NDST4: variants seen among roughly 807,000 people sequenced by gnomAD.
NDST4 encodes the protein N-heparan sulfate sulfotransferase 4.
A neutral mutation model predicts 100.8 loss-of-function variants in NDST4; 63 were observed. The observed-to-expected ratio is 0.62, with a 90% CI of 0.51 to 0.77. NDST4 has a LOEUF of 0.77. Ranked by LOEUF, NDST4 falls within the 30% of genes least tolerant of loss-of-function variation. The probability of loss-of-function intolerance (pLI) is 0.00; values close to 1 mark genes in which losing one functional copy is unlikely to be tolerated. For synonymous variants in NDST4, 377 were observed against 361.8 expected (o/e 1.04, Z -0.48); for missense variants, 943 against 1,018.4 (o/e 0.93, Z 1.01).
intron 4 of NDST4, among the ~76,000 whole-genome samples, chr4:114,950,201 C>G (rs1725959992): frequency 6.6e-6 from 1 of 152,000 alleles, no homozygotes; most frequent in Admixed American, 6.6e-5. Context: ...TCCATCTTCT[C>G]CTAATTCCCA....
chr4:114,937,239 C>T, intron 5 of NDST4, 79 bp downstream of exon 5: 1 of 1,455,778 alleles, frequency 6.9e-7, no homozygotes, highest in Non-Finnish European at 9.6e-7. Context: ...AGGTTACATC[C>T]TTAGAGGAAA....
At chr4:114,856,497 G>A (rs1423975280) in intron 7 of NDST4, among the ~76,000 whole-genome samples, 1 of 152,094 alleles carries the variant, frequency 6.6e-6, no homozygotes, top group Non-Finnish European at 1.5e-5. Context: ...TGTCAAGTGA[G>A]TTTTCTCTAA....
At chr4:114,855,744 T>G (rs753002549) in intron 7 of NDST4, among the ~76,000 whole-genome samples, 1 of 152,234 alleles carries the variant, frequency 6.6e-6, no homozygotes, top group Non-Finnish European at 1.5e-5. Context: ...TAGGATGACT[T>G]TGGCTATTCT....
chr4:115,084,173 G>C (rs568967305), intron 1 of NDST4, among the ~76,000 whole-genome samples: 64 of 152,332 alleles, frequency 4.2e-4, no homozygotes, highest in Middle Eastern at 6.8e-3. Flanking sequence ...TGAGGAACTT[G>C]TTGGGAACTG....
intron 1 of NDST4, among the ~76,000 whole-genome samples, chr4:115,101,583 A>G (rs928250776): frequency 6.6e-6 from 1 of 152,096 alleles, no homozygotes; most frequent in Non-Finnish European, 1.5e-5. Flanking sequence ...AAAGCTGAAT[A>G]CTATTTATGA....
At chr4:114,862,004 T>C (rs1045873482) in intron 7 of NDST4, among the ~76,000 whole-genome samples, 6 of 152,196 alleles carry the variant, frequency 3.9e-5, no homozygotes, top group Non-Finnish European at 8.8e-5. Context: ...ATAGTTATAG[T>C]TAATAGTAAT....
chr4:114,939,873 A>C (rs547372808), intron 4 of NDST4, among the ~76,000 whole-genome samples: 1 of 152,262 alleles, frequency 6.6e-6, no homozygotes, highest in South Asian at 2.1e-4. Flanking sequence ...ATGCTTTTTC[A>C]ATCTAAATGA....
chr4:115,004,840 T>C (rs996292293), intron 2 of NDST4, among the ~76,000 whole-genome samples: 5 of 152,112 alleles, frequency 3.3e-5, no homozygotes, highest in Non-Finnish European at 5.9e-5. Flanking sequence ...AAGTGGAAAA[T>C]AGTTTAGCTT....
At chr4:115,035,489 A>G (rs1408979156) in intron 2 of NDST4, among the ~76,000 whole-genome samples, 2 of 152,034 alleles carry the variant, frequency 1.3e-5, no homozygotes, top group African/African-American at 4.8e-5. Flanking sequence ...TTTTACAGAC[A>G]AGGGGAAGTA....
chr4:114,833,501 A>G lies in NDST4; in HGVS notation c.2396+105T>C, dbSNP rs1723244696. ...TTTGATTGCTTGTAGGTAGCATAGG[A>G]TGTATAAATTCTAGCTAGTATTAAT... On this transcript the variant is annotated intron_variant, in intron 12 of 13. Coordinates refer to ENST00000264363, the MANE Select transcript of NDST4 (RefSeq NM_022569.3). The G allele has an allele frequency of 4.2e-6, 3 of 707,586 alleles. No individual in the cohort carries two copies. The South Asian group carries it at 5.1e-5, about 12-fold the overall frequency. 43.8% of individuals were successfully genotyped at this position (707,586 alleles called of 1,614,324 possible). A position where few individuals can be genotyped will look rare whatever the true frequency, so the allele number is the denominator to read the frequency against.
chr4:114,946,423 A>G (rs1034978114), intron 4 of NDST4, among the ~76,000 whole-genome samples: 1 of 152,224 alleles, frequency 6.6e-6, no homozygotes, highest in Non-Finnish European at 1.5e-5. Context: ...AAGCAGAAAT[A>G]TAGAGTGGAA....
chr4:114,876,457 A>T (rs1388402644), intron 6 of NDST4, among the ~76,000 whole-genome samples: 31 of 152,152 alleles, frequency 2.0e-4, no homozygotes, highest in African/African-American at 7.5e-4. Context: ...TATTCTAAAA[A>T]TAGTCTGGAA....
rs1159812086 is a variant in NDST4 at position 115,010,332 on chromosome 4, T to C, written c.979-33058A>G. Among the ~76,000 whole-genome samples, 19 of 127,686 alleles carry C rather than the reference T, an allele frequency of 1.5e-4. 3 individuals are homozygous for C. Among genetic ancestry groups the C allele is most frequent in the Non-Finnish European group, 2.3e-4 (14 of 59,878 alleles). The allele number at this position is 127,686 out of a possible 152,430, so 83.8% of individuals were successfully genotyped here. On this transcript the variant is annotated intron_variant, in intron 2 of 13. Transcript: ENST00000264363. ...CTGGATTAAGAAAATGTGGCACATA[T>C]ACACCATGGAATACTATGCAGCCAT...
At chr4:114,994,529 C>T (rs1727118479) in intron 2 of NDST4, among the ~76,000 whole-genome samples, 2 of 151,944 alleles carry the variant, frequency 1.3e-5, no homozygotes, top group African/African-American at 4.8e-5. Context: ...TGATGGAAAT[C>T]AGTTACAAGG....
intron 2 of NDST4, among the ~76,000 whole-genome samples, chr4:114,991,282 A>G (rs1218981146): frequency 2.0e-5 from 3 of 152,104 alleles, no homozygotes; most frequent in African/African-American, 7.2e-5. Context: ...AGTCAGCCAA[A>G]GTAATTAAAG....
Position 114,835,849 on chromosome 4 carries a change from C to T in NDST4, c.2287-2134G>A, listed in dbSNP as rs539679689. On this transcript the variant is annotated intron_variant, in intron 11 of 13. Coordinates refer to ENST00000264363, the MANE Select transcript of NDST4 (RefSeq NM_022569.3). ...GTTAGATCTTCTTGTTGCGTTGATC[C>T]CTTTACTGTTATTTAATGCCCTTCT... 1.1e-4 allele frequency among the ~76,000 whole-genome samples: 16 copies of T among 152,164 alleles called. No homozygotes were observed. The South Asian group carries it at 2.9e-3, about 28-fold the overall frequency.
chr4:115,074,182 A>T (rs1729134151), intron 2 of NDST4, among the ~76,000 whole-genome samples: 1 of 151,934 alleles, frequency 6.6e-6, no homozygotes, highest in African/African-American at 2.4e-5. Flanking sequence ...AAATTATTGT[A>T]TTCTATTTGG....
At chr4:114,883,943 G>T (rs1348835584) in intron 6 of NDST4, among the ~76,000 whole-genome samples, 1 of 152,090 alleles carries the variant, frequency 6.6e-6, no homozygotes, top group Non-Finnish European at 1.5e-5. Context: ...ATGCTAGCTT[G>T]CCCTCTGCTC....
chr4:114,931,709 T>C (rs1378193706), intron 6 of NDST4, among the ~76,000 whole-genome samples: 1 of 151,728 alleles, frequency 6.6e-6, no homozygotes, highest in East Asian at 1.9e-4. Flanking sequence ...AACAGACTAC[T>C]ATGAACAATG....
Sources: allele counts gnomAD v4.1 joint callset (sites outside exome capture counted in the v4.1 genomes callset), GRCh38; gene constraint gnomAD v4.1.1; transcripts MANE v1.5; gene names NCBI Gene and HGNC (gene_info 2026-07-23, HGNC 2026-07-21).